The following MYBL2 variants were observed in gnomAD, a reference collection of about 807,000 sequenced individuals.
MYBL2 encodes myb-related protein B.
MYBL2 carries 28 observed loss-of-function variants against 79.9 expected under a neutral mutation model. The ratio of observed to expected loss-of-function variants is 0.35; its 90% CI spans 0.26 to 0.48. The LOEUF (loss-of-function observed/expected upper bound fraction) is 0.48. MYBL2 is among the 20% of genes least tolerant of loss of function. The pLI, the probability that MYBL2 is intolerant of heterozygous loss-of-function variation, is 0.99. For missense variants in MYBL2, 735 were observed against 893.9 expected (o/e 0.82, Z 2.27); for synonymous variants, 378 against 361.2 (o/e 1.05, Z -0.53).
chr20:43,699,723 C>T (rs754542444), intron 6 of MYBL2, 34 bp from the exon 7 acceptor site: 16 of 1,608,324 alleles, frequency 9.9e-6, no homozygotes, highest in East Asian at 4.5e-5. Context: ...TATATCTCAG[C>T]GAAATGCAAA....
chr20:43,682,707 GC>G (rs1487719071), intron 3 of MYBL2, 86 bp from the exon 4 acceptor site: 1 of 1,244,962 alleles, frequency 8.0e-7, no homozygotes, highest in East Asian at 2.4e-5. Flanking sequence ...CAGGCCATAG[GC>G]CCCTGAGCCT....
At position 43,708,928 on chromosome 20, in the gene MYBL2, ATC is replaced by A. The variant is rs1987845847; in HGVS notation, c.1506-1031_1506-1030del. 2.6e-5 allele frequency among the ~76,000 whole-genome samples: 4 copies of A among 152,052 alleles called. No homozygotes were observed. In the South Asian group the frequency reaches 8.3e-4, roughly 32 times the overall value. ...TCTTCACTCTTCCTTACAGAGGGGGATCTCTGTGTGTCCCAGATGGGGGATAA... is the reference window on the plus strand; with the variant it reads ...TCTTCACTCTTCCTTACAGAGGGGGATCTGTGTGTCCCAGATGGGGGATAA... On this transcript the variant is annotated intron_variant, in intron 9 of 13. Coordinates refer to ENST00000217026, the MANE Select transcript of MYBL2 (RefSeq NM_002466.4).
chr20:43,677,791 C>A (rs988853969), intron 2 of MYBL2, among the ~76,000 whole-genome samples: 1 of 151,520 alleles, frequency 6.6e-6, no homozygotes, highest in Non-Finnish European at 1.5e-5. Context: ...GCCACCACCC[C>A]GTCTGGGAGG....
intron 7 of MYBL2, among the ~76,000 whole-genome samples, chr20:43,701,894 A>G (rs1372436349): frequency 6.6e-6 from 1 of 152,134 alleles, no homozygotes; most frequent in Non-Finnish European, 1.5e-5. Context: ...AGCCGGGTGC[A>G]GTGGCTCACA....
At chr20:43,711,367 G>T in intron 10 of MYBL2, 121 bp from the exon 11 acceptor site, 1 of 666,858 alleles carries the variant, frequency 1.5e-6, no homozygotes, top group Admixed American at 2.7e-5. Flanking sequence ...GCATCCTGGC[G>T]TCAGGCCTCC....
chr20:43,706,384 A>C (rs1459119247), intron 9 of MYBL2, among the ~76,000 whole-genome samples: 1 of 152,122 alleles, frequency 6.6e-6, no homozygotes, highest in Non-Finnish European at 1.5e-5. Flanking sequence ...TGCTTTTACA[A>C]TAAGTTTACT....
chr20:43,710,089 T>C (rs1374549354), intron 10 of MYBL2, 27 bp downstream of exon 10: 6 of 1,554,930 alleles, frequency 3.9e-6, no homozygotes, highest in African/African-American at 1.4e-5. Flanking sequence ...CTGCCGTGGA[T>C]CTCTGCACAG....
At chr20:43,682,218 G>A (rs1045166381) in intron 3 of MYBL2, among the ~76,000 whole-genome samples, 1 of 152,198 alleles carries the variant, frequency 6.6e-6, no homozygotes, top group African/African-American at 2.4e-5. Context: ...AGGCTTCATG[G>A]TGAGGCCCCT....
intron 5 of MYBL2, among the ~76,000 whole-genome samples, chr20:43,688,264 T>G (rs1243818231): frequency 1.3e-5 from 2 of 151,806 alleles, no homozygotes; most frequent in Non-Finnish European, 2.9e-5. Context: ...TGCAGTGGCG[T>G]GATCCGGGCT....
intron 5 of MYBL2, among the ~76,000 whole-genome samples, chr20:43,691,457 G>A (rs1341196417): frequency 6.6e-6 from 1 of 151,896 alleles, no homozygotes; most frequent in Admixed American, 6.6e-5. Flanking sequence ...AAGTAGCTGG[G>A]ATTACAGGTG....
intron 9 of MYBL2, among the ~76,000 whole-genome samples, chr20:43,707,565 C>G (rs826955): frequency 0.75 from 114,497 of 152,062 alleles, 44,134 homozygotes; most frequent in Non-Finnish European, 0.83. Flanking sequence ...GCTAATTTTT[C>G]TATTTTTTTG....
intron 9 of MYBL2, among the ~76,000 whole-genome samples, chr20:43,709,147 C>A (rs555910306): frequency 6.6e-6 from 1 of 152,196 alleles, no homozygotes. Context: ...TCCCTGGCTA[C>A]CTGGGGTGTT....
At chr20:43,713,213 G>C (rs573007636) in intron 12 of MYBL2, 107 bp downstream of exon 12, 2 of 595,766 alleles carry the variant, frequency 3.4e-6, no homozygotes, top group East Asian at 9.6e-5. Flanking sequence ...GCTCTGCAGG[G>C]AGGGGCTATC....
intron 12 of MYBL2, among the ~76,000 whole-genome samples, chr20:43,714,003 G>A (rs566931154): frequency 9.1e-4 from 139 of 152,306 alleles, no homozygotes; most frequent in Non-Finnish European, 1.6e-3. Flanking sequence ...GGTCCTTGCA[G>A]AGAAACCTTG....
chr20:43,677,999 T>C (rs1987051211), intron 2 of MYBL2, among the ~76,000 whole-genome samples: 1 of 152,212 alleles, frequency 6.6e-6, no homozygotes, highest in African/African-American at 2.4e-5. Flanking sequence ...TGATCTATGA[T>C]CTTACCCCCA....
At chr20:43,705,440 C>T in intron 9 of MYBL2, 82 bp downstream of exon 9, 6 of 1,455,748 alleles carry the variant, frequency 4.1e-6, no homozygotes, top group Non-Finnish European at 4.6e-6. Context: ...ACTGGTGGAA[C>T]AGTGGGGAGG....
intron 5 of MYBL2, among the ~76,000 whole-genome samples, chr20:43,688,391 G>A (rs1987330106): frequency 6.6e-6 from 1 of 151,930 alleles, no homozygotes; most frequent in Non-Finnish European, 1.5e-5. Flanking sequence ...TAGTAGAGAT[G>A]GAATTTCACC....
At chr20:43,703,034 TAACTAAAAAAGACTCAGAAAATGTGATA>T in intron 8 of MYBL2, 131 bp downstream of exon 8, 1 of 1,042,036 alleles carries the variant, frequency 9.6e-7, no homozygotes, top group Admixed American at 2.8e-5. Flanking sequence ...GAAGACCAGG[TAACTAAAAAAGACTCAGAAAATGTGATA>T]ATCAGGATGA....
Position 43,702,694 on chromosome 20 carries a change from C to G in MYBL2, c.1156C>G (p.Arg386Gly), listed in dbSNP as rs145574249. 6.2e-7 allele frequency: 1 copy of G among 1,613,644 alleles called. No individual in the cohort carries two copies. Residue 386 changes from arginine to glycine, a missense_variant, in exon 8 of 14, where the codon CGG becomes GGG. By Grantham distance (125) the Arg-to-Gly change is moderately radical. Transcript: ENST00000217026. ...CATCTCAGACCTGAGCCGGAGCAGC[C>G]GGGGCGAGCTGATCCCCATCTCCCC... ...HTISDLSRSS[R>G]GELIPISPST...
Sources: allele counts gnomAD v4.1 joint callset (sites outside exome capture counted in the v4.1 genomes callset), GRCh38; gene constraint gnomAD v4.1.1; transcripts MANE v1.5; gene names NCBI Gene and HGNC (gene_info 2026-07-23, HGNC 2026-07-21).